TRPM3: variants seen among roughly 807,000 people sequenced by gnomAD.
TRPM3 encodes the protein transient receptor potential cation channel subfamily M member 3, also known as long transient receptor potential channel 3.
In TRPM3, 77 loss-of-function variants were observed where a neutral mutation model predicts 181.2. The ratio of observed to expected loss-of-function variants is 0.42; its 90% CI spans 0.35 to 0.51. The LOEUF (loss-of-function observed/expected upper bound fraction) is 0.51. TRPM3 is among the 20% of genes least tolerant of loss of function. TRPM3 has a pLI of 0.01. For synonymous variants in TRPM3, 745 were observed against 796.4 expected, an observed-to-expected ratio of 0.94 and a Z score of 1.09; for missense variants, 1,759 against 2,196.7, an observed-to-expected ratio of 0.80 and a Z score of 3.98.
intron 1 of TRPM3, among the ~76,000 whole-genome samples, chr9:71,267,528 C>A (rs934967720): frequency 4.5e-4 from 69 of 151,910 alleles, no homozygotes; most frequent in African/African-American, 1.5e-3. Flanking sequence ...CCCCAGGCCA[C>A]AAAGATTTGG....
At position 71,348,383 on chromosome 9, in the gene TRPM3, C is replaced by T. The variant is rs529873201; in HGVS notation, c.183+98270G>A. Among the ~76,000 whole-genome samples the T allele has an allele frequency of 8.6e-5, 13 of 151,594 alleles. No individual in the cohort carries two copies. In the South Asian group the frequency reaches 2.1e-3, roughly 24 times the overall value. On this transcript the variant is annotated intron_variant, in intron 1 of 24. Coordinates refer to the TRPM3 transcript ENST00000357533. ...TTTCTCCTGTATAGTTGTTGCTGTG[C>T]TAAGTCCTTTCATAAACAGTATGTA...
rs376235922 is a variant in TRPM3, at chr9:70,838,042, C to T, written c.801+4961G>A. 6.6e-5 allele frequency among the ~76,000 whole-genome samples: 10 copies of T among 152,220 alleles called. No homozygotes were observed. The East Asian group carries it at 1.4e-3, about 21-fold the overall frequency. On this transcript the variant is annotated intron_variant, in intron 5 of 25. Coordinates refer to ENST00000677713, the MANE Select transcript of TRPM3 (RefSeq NM_001366145.2). ...ATAAAAGCTCAATAAATTATAATTACTATTATTGTGGTTATGCTCATAGAA... is the reference window on the plus strand; with the variant it reads ...ATAAAAGCTCAATAAATTATAATTATTATTATTGTGGTTATGCTCATAGAA...
intron 19 of TRPM3, among the ~76,000 whole-genome samples, chr9:70,607,542 C>A (rs57175635): frequency 6.6e-6 from 1 of 152,130 alleles, no homozygotes; most frequent in Non-Finnish European, 1.5e-5. Context: ...CCCACCACCC[C>A]CCGCCAAAGA....
At position 71,423,773 on chromosome 9, in the gene TRPM3, TTCCCTTC is replaced by T. The variant is rs2093817895; in HGVS notation, c.183+22873_183+22879del. ...AAGCAGAACATAAATTTACAAACCT[TTCCCTTC>T]TCCCTTCTCTACCAGGAAGGTCAAA... On this transcript the variant is annotated intron_variant, in intron 1 of 24. Coordinates refer to the TRPM3 transcript ENST00000357533. Among the ~76,000 whole-genome samples the T allele has an allele frequency of 2.0e-5, 3 of 152,072 alleles. No individual in the cohort carries two copies. In the South Asian group the frequency reaches 6.2e-4, roughly 31 times the overall value.
At chr9:71,209,733 T>C (rs2079363592) in intron 1 of TRPM3, among the ~76,000 whole-genome samples, 1 of 152,122 alleles carries the variant, frequency 6.6e-6, no homozygotes, top group African/African-American at 2.4e-5. Context: ...TATTAAATAG[T>C]TGGAAAAAAT....
At chr9:70,897,933 G>C (rs2096305812) in intron 1 of TRPM3, among the ~76,000 whole-genome samples, 1 of 152,082 alleles carries the variant, frequency 6.6e-6, no homozygotes, top group African/African-American at 2.4e-5. Context: ...TTAAACAACA[G>C]ATAATTAACA....
chr9:70,549,649 G>T lies in TRPM3; in HGVS notation c.3600C>A (p.Leu1200=), dbSNP rs181121831. 3.8e-5 allele frequency: 61 copies of T among 1,609,360 alleles called. No individual in the cohort carries two copies. The highest frequency in any genetic ancestry group is 1.0e-4 in the Admixed American group (6 of 59,818). ...GCTCTTCAAAGTCATGTACTTTCTT[G>T]AGCTCATCATCGGTTATGAAGAGTT... ...GLKLFITDDE[L]KKVHDFEEQC... Residue 1200 remains leucine (L), a synonymous_variant, in exon 25 of 26, where the codon CTC becomes CTA. Coordinates refer to ENST00000677713, the MANE Select transcript of TRPM3 (RefSeq NM_001366145.2).
At chr9:71,257,418 G>A (rs2082739710) in intron 1 of TRPM3, among the ~76,000 whole-genome samples, 1 of 152,074 alleles carries the variant, frequency 6.6e-6, no homozygotes, top group Admixed American at 6.6e-5. Context: ...AAAACAGGAG[G>A]AAGAACAGTT....
chr9:70,594,463 T>C (rs911010527), intron 21 of TRPM3, among the ~76,000 whole-genome samples: 1 of 152,204 alleles, frequency 6.6e-6, no homozygotes, highest in Non-Finnish European at 1.5e-5. Flanking sequence ...ACATGGTATC[T>C]GGCACACAGC....
intron 1 of TRPM3, among the ~76,000 whole-genome samples, chr9:71,159,447 C>G (rs1251985670): frequency 2.0e-5 from 3 of 151,920 alleles, no homozygotes; most frequent in Non-Finnish European, 4.4e-5. Context: ...ACTCATATGT[C>G]AATATATTGA....
chr9:71,406,927 G>A (rs1047711595), intron 1 of TRPM3, among the ~76,000 whole-genome samples: 1 of 152,062 alleles, frequency 6.6e-6, no homozygotes, highest in Non-Finnish European at 1.5e-5. Flanking sequence ...TATCAGCGCT[G>A]CAAAGAAGCT....
intron 7 of TRPM3, among the ~76,000 whole-genome samples, chr9:70,770,662 C>A (rs1024938854): frequency 6.6e-6 from 1 of 152,120 alleles, no homozygotes; most frequent in African/African-American, 2.4e-5. Context: ...GTTATTTGAT[C>A]TCTTTAAGCC....
chr9:71,003,829 A>G (rs1258464760), intron 1 of TRPM3, among the ~76,000 whole-genome samples: 2 of 152,002 alleles, frequency 1.3e-5, no homozygotes, highest in South Asian at 4.2e-4. Flanking sequence ...AATAGAACTC[A>G]AGGGAGAAGT....
intron 1 of TRPM3, among the ~76,000 whole-genome samples, chr9:71,191,930 A>G (rs535720707): frequency 2.0e-5 from 3 of 151,814 alleles, no homozygotes; most frequent in Admixed American, 2.0e-4. Context: ...GTGAATGGGG[A>G]GGTAACTATG....
At chr9:71,232,491 C>CTTTTT (rs71352362) in intron 1 of TRPM3, among the ~76,000 whole-genome samples, 6,232 of 59,176 alleles carry the variant, frequency 0.11, 1,152 homozygotes, top group Non-Finnish European at 0.12. Context: ...AATTCAGTGT[C>CTTTTT]TTTTTTTTTT....
chr9:71,355,084 T>A (rs2091839398), intron 1 of TRPM3, among the ~76,000 whole-genome samples: 1 of 152,224 alleles, frequency 6.6e-6, no homozygotes, highest in African/African-American at 2.4e-5. Context: ...GGAACATAAT[T>A]AGCCACTGGT....
intron 1 of TRPM3, among the ~76,000 whole-genome samples, chr9:71,034,951 G>T (rs544420772): frequency 1.0e-3 from 157 of 151,424 alleles, no homozygotes; most frequent in African/African-American, 3.6e-3. Context: ...TTTAAAAAAT[G>T]GTCAAAATAT....
At chr9:71,226,038 A>AT (rs2080613944) in intron 1 of TRPM3, among the ~76,000 whole-genome samples, 1 of 148,788 alleles carries the variant, frequency 6.7e-6, no homozygotes, top group Non-Finnish European at 1.5e-5. Flanking sequence ...AAAAAAAAAA[A>AT]AATAGCAGGG....
intron 1 of TRPM3, among the ~76,000 whole-genome samples, chr9:71,105,654 G>T (rs1052956282): frequency 6.6e-6 from 1 of 152,164 alleles, no homozygotes; most frequent in Non-Finnish European, 1.5e-5. Context: ...CATGGCTCTG[G>T]ATTGTTAGTT....
Sources: gnomAD v4.1 joint callset for allele counts (sites outside exome capture counted in the v4.1 genomes callset) on GRCh38, gnomAD v4.1.1 for gene constraint, MANE v1.5 for transcripts, NCBI Gene and HGNC (gene_info 2026-07-23, HGNC 2026-07-21) for gene names.